The following TMEM132D variants were observed in gnomAD, a reference collection of about 807,000 sequenced individuals.
TMEM132D encodes mature OL transmembrane protein.
TMEM132D carries 21 observed loss-of-function variants against 62.3 expected under a neutral mutation model. That is an observed-to-expected ratio of 0.34 (90% CI 0.24 to 0.49). TMEM132D has a LOEUF of 0.49. TMEM132D is among the 20% of genes least tolerant of loss of function. TMEM132D has a pLI of 0.99. For synonymous variants in TMEM132D, 621 were observed against 575.6 expected (o/e 1.08, Z -1.13); for missense variants, 1,346 against 1,402.8 (o/e 0.96, Z 0.65).
intron 4 of TMEM132D, among the ~76,000 whole-genome samples, chr12:129,251,289 G>T (rs958074085): frequency 6.8e-6 from 1 of 146,304 alleles, no homozygotes; most frequent in African/African-American, 2.6e-5. Context: ...AATCCAAGAG[G>T]CAGAAGTTGC....
At chr12:129,785,776 G>A (rs1040462116) in intron 1 of TMEM132D, among the ~76,000 whole-genome samples, 22 of 152,250 alleles carry the variant, frequency 1.4e-4, no homozygotes, top group African/African-American at 5.1e-4. Context: ...TCAGCAGCCT[G>A]AGCTATCTTA....
intron 4 of TMEM132D, among the ~76,000 whole-genome samples, chr12:129,223,405 T>TG (rs1879399584): frequency 1.3e-5 from 2 of 152,124 alleles, no homozygotes; most frequent in Non-Finnish European, 2.9e-5. Context: ...ATGCAGGTGA[T>TG]CTGGTCAATA....
At chr12:129,543,117 AGATG>A (rs575079072) in intron 2 of TMEM132D, among the ~76,000 whole-genome samples, 2 of 141,114 alleles carry the variant, frequency 1.4e-5, no homozygotes, top group African/African-American at 2.7e-5. Flanking sequence ...ATAGATGGAT[AGATG>A]GATGGATGGA....
At chr12:129,125,477 G>T (rs1434656603) in intron 5 of TMEM132D, among the ~76,000 whole-genome samples, 2 of 149,612 alleles carry the variant, frequency 1.3e-5, no homozygotes, top group African/African-American at 4.9e-5. Flanking sequence ...TTTAGGTGAT[G>T]TGACGATGTC....
intron 1 of TMEM132D, among the ~76,000 whole-genome samples, chr12:129,775,270 G>C (rs1008924447): frequency 2.0e-5 from 3 of 152,100 alleles, no homozygotes; most frequent in African/African-American, 7.2e-5. Flanking sequence ...TTTTCTGCAA[G>C]TAAGGCTTTG....
chr12:129,835,690 G>T (rs545634452), intron 1 of TMEM132D, among the ~76,000 whole-genome samples: 239 of 152,334 alleles, frequency 1.6e-3, no homozygotes, highest in Non-Finnish European at 2.2e-3. Flanking sequence ...GTATAGTATA[G>T]TTGTGTGATT....
At chr12:129,560,287 T>C (rs911063125) in intron 2 of TMEM132D, among the ~76,000 whole-genome samples, 4 of 124,020 alleles carry the variant, frequency 3.2e-5, no homozygotes, top group South Asian at 5.2e-4. Flanking sequence ...TTTTTTTTTT[T>C]CAGACAGGGT....
intron 1 of TMEM132D, among the ~76,000 whole-genome samples, chr12:129,797,167 G>C (rs985275547): frequency 6.6e-6 from 1 of 152,144 alleles, no homozygotes; most frequent in Non-Finnish European, 1.5e-5. Context: ...GGCATCGCGG[G>C]AGGGTGGCAA....
intron 4 of TMEM132D, among the ~76,000 whole-genome samples, chr12:129,316,006 G>A (rs1476095504): frequency 2.6e-5 from 4 of 151,866 alleles, no homozygotes; most frequent in South Asian, 2.1e-4. Flanking sequence ...TCATTTCTTC[G>A]TGAAGTTATT....
At chr12:129,265,427 G>T (rs1422492993) in intron 4 of TMEM132D, among the ~76,000 whole-genome samples, 1 of 152,168 alleles carries the variant, frequency 6.6e-6, no homozygotes, top group Non-Finnish European at 1.5e-5. Context: ...TGTGATTTTG[G>T]TCCGAATTTG....
chr12:129,567,672 G>T (rs966649778), intron 2 of TMEM132D, among the ~76,000 whole-genome samples: 1 of 151,858 alleles, frequency 6.6e-6, no homozygotes, highest in South Asian at 2.1e-4. Context: ...TCTTTTGGGG[G>T]GGATATAATT....
chr12:129,429,315 C>T (rs566229174), intron 3 of TMEM132D, among the ~76,000 whole-genome samples: 8 of 152,296 alleles, frequency 5.3e-5, no homozygotes, highest in African/African-American at 1.9e-4. Flanking sequence ...ACAGAAACCA[C>T]TCTAGTAGTG....
intron 1 of TMEM132D, among the ~76,000 whole-genome samples, chr12:129,802,123 T>C (rs1219277529): frequency 4.0e-5 from 6 of 151,442 alleles, no homozygotes; most frequent in Non-Finnish European, 8.8e-5. Context: ...TGCAGGATAT[T>C]ATCCAGGAGA....
chr12:129,180,236 G>GAGT lies in TMEM132D; in HGVS notation c.1443+29283_1443+29284insACT, dbSNP rs1323649881. Reference sequence around the variant, plus strand: ...GGAGGAGGAGGAGGAGGAGGAGGAGGAAGCAGTCTGCACTTCATATTTGTT... The same window carrying GAGT: ...GGAGGAGGAGGAGGAGGAGGAGGAGGAGTAAGCAGTCTGCACTTCATATTTGTT... On this transcript the variant is annotated intron_variant, in intron 5 of 8. Coordinates refer to ENST00000422113, the MANE Select transcript of TMEM132D (RefSeq NM_133448.3). Among the ~76,000 whole-genome samples, 5 of 152,038 alleles carry GAGT rather than the reference G, an allele frequency of 3.3e-5. No homozygotes were observed. The East Asian group carries it at 9.7e-4, about 29-fold the overall frequency.
At chr12:129,079,085 G>C (rs1170048182) in intron 7 of TMEM132D, among the ~76,000 whole-genome samples, 1 of 152,094 alleles carries the variant, frequency 6.6e-6, no homozygotes, top group Non-Finnish European at 1.5e-5. Flanking sequence ...TGTGTATTTT[G>C]TTTAAAATTA....
intron 3 of TMEM132D, among the ~76,000 whole-genome samples, chr12:129,368,754 T>A (rs761034777): frequency 3.3e-5 from 5 of 150,298 alleles, no homozygotes; most frequent in Non-Finnish European, 7.4e-5. Flanking sequence ...ATTCAAGTTG[T>A]CAACCTTTCC....
intron 4 of TMEM132D, among the ~76,000 whole-genome samples, chr12:129,300,372 C>T (rs960693542): frequency 2.0e-5 from 3 of 152,144 alleles, no homozygotes; most frequent in Non-Finnish European, 2.9e-5. Context: ...ATGACTGCTC[C>T]GTGGCCAGGA....
intron 4 of TMEM132D, among the ~76,000 whole-genome samples, chr12:129,297,618 C>T (rs1259115497): frequency 1.3e-5 from 2 of 152,130 alleles, no homozygotes; most frequent in East Asian, 3.9e-4. Flanking sequence ...CTGATCGGGT[C>T]AGCTGCACAG....
chr12:129,651,919 G>A (rs1022078602), intron 2 of TMEM132D, among the ~76,000 whole-genome samples: 1 of 152,140 alleles, frequency 6.6e-6, no homozygotes, highest in Non-Finnish European at 1.5e-5. Flanking sequence ...CCAATTTTAG[G>A]CTTTGAATTC....
Sources: allele counts gnomAD v4.1 joint callset (sites outside exome capture counted in the v4.1 genomes callset), GRCh38; gene constraint gnomAD v4.1.1; transcripts MANE v1.5; gene names NCBI Gene and HGNC (gene_info 2026-07-23, HGNC 2026-07-21).